The following ZNF721 variants were observed in gnomAD, a reference collection of about 807,000 sequenced individuals.
ZNF721 encodes zinc finger protein 721.
Under a neutral mutation model 2.4 loss-of-function variants are expected in ZNF721, and 2 were observed. The observed-to-expected ratio is 0.82, with a 90% CI of 0.34 to 2.58. ZNF721 has a LOEUF of 2.58. ZNF721 is among the 30% of genes most tolerant of loss of function. The pLI, the probability that ZNF721 is intolerant of heterozygous loss-of-function variation, is 0.11. For missense variants in ZNF721, 1,187 were observed against 1,085.5 expected (o/e 1.09, Z -1.31); for synonymous variants, 398 against 381.8 (o/e 1.04, Z -0.50).
In ZNF721 at chr4:441,704, T is replaced by G. The variant is rs373967952; in HGVS notation, c.2763A>C (p.Ile921=). Residue 921 remains isoleucine, a synonymous_variant, in exon 3 of 3, where the codon ATA becomes ATC. Coordinates refer to ENST00000511833, the MANE Select transcript of ZNF721 (RefSeq NM_133474.4). ...GGCTTTGCCACATTCTTTACACTTG[T>G]ATGGTTTTATCTCCAGTATGAATTT... is the stretch of plus-strand genomic sequence containing the variant. The part of the protein sequence containing the change: ...HKKIHTGDKT[I]QV 13 of 1,606,308 alleles carry G rather than the reference T, an allele frequency of 8.1e-6. No individual in the cohort carries two copies. The Admixed American group carries it at 2.2e-4, about 27-fold the overall frequency.
chr4:448,779 C>G (rs1576954151), intron 2 of ZNF721, among the ~76,000 whole-genome samples: 1 of 152,154 alleles, frequency 6.6e-6, no homozygotes, highest in East Asian at 1.9e-4. Context: ...AATACAAACT[C>G]ACACACGGTC....
chr4:445,521 CATT>C (rs1560226212), intron 2 of ZNF721, among the ~76,000 whole-genome samples: 3 of 151,928 alleles, frequency 2.0e-5, no homozygotes, highest in Non-Finnish European at 4.4e-5. Flanking sequence ...TATTAGAACA[CATT>C]ATAATGATTT....
At chr4:457,533 A>G (rs1714884221) in intron 2 of ZNF721, among the ~76,000 whole-genome samples, 2 of 152,216 alleles carry the variant, frequency 1.3e-5, no homozygotes, top group African/African-American at 4.8e-5. Flanking sequence ...ACCTAAACCA[A>G]GACACCTATG....
At chr4:474,082 G>T (rs1272061371) in intron 1 of ZNF721, 12 of 1,382,850 alleles carry the variant, frequency 8.7e-6, no homozygotes, top group Non-Finnish European at 1.2e-5. Context: ...AAATCACCGA[G>T]GCCTCCCTGA....
At chr4:471,337 T>C (rs1553867659) in intron 2 of ZNF721, among the ~76,000 whole-genome samples, 2 of 152,082 alleles carry the variant, frequency 1.3e-5, no homozygotes, top group African/African-American at 4.8e-5. Flanking sequence ...AGCCAAAATA[T>C]AGAGTGTATA....
intron 1 of ZNF721, among the ~76,000 whole-genome samples, chr4:482,944 T>C (rs1715805093): frequency 1.3e-5 from 2 of 152,256 alleles, no homozygotes; most frequent in Non-Finnish European, 1.5e-5. Context: ...TCCAGGTGAT[T>C]CACATGCACA....
intron 2 of ZNF721, among the ~76,000 whole-genome samples, chr4:455,914 C>A (rs1379060545): frequency 3.3e-5 from 5 of 152,018 alleles, no homozygotes; most frequent in Non-Finnish European, 7.4e-5. Context: ...AAAAAGGTTC[C>A]ATTTTTCAAA....
intron 2 of ZNF721, among the ~76,000 whole-genome samples, chr4:471,133 T>G (rs564107079): frequency 5.3e-5 from 8 of 152,014 alleles, no homozygotes; most frequent in Admixed American, 4.6e-4. Flanking sequence ...CCCAAAGACA[T>G]ACATACAAGG....
At chr4:492,824 T>C (rs1716057939) in intron 1 of ZNF721, among the ~76,000 whole-genome samples, 1 of 151,344 alleles carries the variant, frequency 6.6e-6, no homozygotes, top group Non-Finnish European at 1.5e-5. Context: ...CACTTTATTT[T>C]TGTAACTTTA....
intron 1 of ZNF721, among the ~76,000 whole-genome samples, chr4:490,121 G>C (rs1231995640): frequency 6.6e-6 from 1 of 151,676 alleles, no homozygotes; most frequent in African/African-American, 2.4e-5. Flanking sequence ...ACCTCCCAAA[G>C]TGCTGGGATT....
At chr4:458,021 A>AG (rs1553865593) in intron 2 of ZNF721, among the ~76,000 whole-genome samples, 1 of 152,138 alleles carries the variant, frequency 6.6e-6, no homozygotes, top group Admixed American at 6.6e-5. Flanking sequence ...TCAGTTCCAC[A>AG]CCCTCTTAGC....
intron 2 of ZNF721, among the ~76,000 whole-genome samples, chr4:469,442 T>C (rs182924027): frequency 5.3e-5 from 8 of 152,186 alleles, no homozygotes; most frequent in Non-Finnish European, 7.4e-5. Context: ...ATGACAGAAA[T>C]TGAAGCAGAC....
At chr4:474,117 C>G (rs1553868206) in intron 1 of ZNF721, 8 of 1,125,252 alleles carry the variant, frequency 7.1e-6, no homozygotes, top group African/African-American at 1.6e-5. Context: ...GAAGTGAGGC[C>G]CTAACCGAGC....
At position 442,755 on chromosome 4, in the gene ZNF721, T is replaced by A. The variant is rs1191767041; in HGVS notation, c.1712A>T (p.Asn571Ile). The A allele has an allele frequency of 1.9e-6, 3 of 1,613,748 alleles. No individual in the cohort carries two copies. Among genetic ancestry groups the A allele is most frequent in the Non-Finnish European group, 2.5e-6 (3 of 1,179,916 alleles). ...ATGAATTCTCCTATGTACATAAAGG[T>A]TTGCGGACTGTCTAAAGGTTTTGCC... ...ECGKTFRQSANLYVHRRIHTG... is the reference protein window; with the variant it reads ...ECGKTFRQSAILYVHRRIHTG... Residue 571 changes from asparagine (N) to isoleucine (I), a missense_variant, in exon 3 of 3, where the codon AAC becomes ATC. Transcript: ENST00000511833.
intron 2 of ZNF721, among the ~76,000 whole-genome samples, chr4:461,302 C>T (rs1461678109): frequency 6.6e-6 from 1 of 152,128 alleles, no homozygotes; most frequent in African/African-American, 2.4e-5. Context: ...GTTCAACATA[C>T]GCCAATCAAT....
At chr4:470,119 T>C (rs1162632946) in intron 2 of ZNF721, among the ~76,000 whole-genome samples, 2 of 152,194 alleles carry the variant, frequency 1.3e-5, no homozygotes, top group Non-Finnish European at 2.9e-5. Context: ...CCCGACCTCG[T>C]GATCCACCTG....
chr4:485,836 G>A (rs1298412290), intron 1 of ZNF721, among the ~76,000 whole-genome samples: 10 of 152,114 alleles, frequency 6.6e-5, no homozygotes, highest in East Asian at 1.9e-4. Flanking sequence ...CTATCCAGGC[G>A]TGCTGGTGCG....
rs1226788751 is a variant in ZNF721, at chr4:440,081, CATAA to C, written c.*1610_*1613del. ...TTACTGCATTTTATTGCACTTATTACATAAATATACAGTTGGCAAAACAATTTAC... is the reference window on the plus strand; with the variant it reads ...TTACTGCATTTTATTGCACTTATTACATATACAGTTGGCAAAACAATTTAC... On this transcript the variant is annotated 3_prime_UTR_variant, in exon 3 of 3. Transcript: ENST00000511833. The C allele has an allele frequency of 1.3e-5, 2 of 152,124 alleles. No homozygotes were observed. 9.4% of individuals were successfully genotyped at this position (152,124 alleles called of 1,614,324 possible).
At chr4:449,613 G>C (rs1051558556) in intron 2 of ZNF721, among the ~76,000 whole-genome samples, 1 of 152,104 alleles carries the variant, frequency 6.6e-6, no homozygotes, top group Non-Finnish European at 1.5e-5. Flanking sequence ...GCTTTGCATA[G>C]CAAAGACAGC....
Sources: gnomAD v4.1 joint callset for allele counts (sites outside exome capture counted in the v4.1 genomes callset) on GRCh38, gnomAD v4.1.1 for gene constraint, MANE v1.5 for transcripts, NCBI Gene and HGNC (gene_info 2026-07-23, HGNC 2026-07-21) for gene names.